Variants in RIN3 observed in about 807,000 individuals in gnomAD.
RIN3 encodes the protein RAB5 interacting protein 3.
A neutral mutation model predicts 76.3 loss-of-function variants in RIN3; 54 were observed. The ratio of observed to expected loss-of-function variants is 0.71; its 90% CI spans 0.57 to 0.89. The LOEUF is 0.89. RIN3 is among the 40% of genes least tolerant of loss of function. RIN3 has a pLI of 0.00. For missense variants in RIN3, 1,256 were observed against 1,322.1 expected (o/e 0.95, Z 0.78); for synonymous variants, 576 against 564.0 (o/e 1.02, Z -0.30).
intron 3 of RIN3, among the ~76,000 whole-genome samples, chr14:92,614,202 G>A (rs1159118589): frequency 2.0e-5 from 3 of 152,198 alleles, no homozygotes; most frequent in Non-Finnish European, 4.4e-5. Flanking sequence ...AAACATCAGG[G>A]TAGCCCTCGC....
At chr14:92,525,628 G>C (rs1896708800) in intron 1 of RIN3, among the ~76,000 whole-genome samples, 1 of 152,112 alleles carries the variant, frequency 6.6e-6, no homozygotes, top group Non-Finnish European at 1.5e-5. Context: ...TGAGAAACAG[G>C]GTGGGCCGCC....
In RIN3 at chr14:92,688,174, C is replaced by T; in HGVS notation, c.2880C>T (p.Tyr960=). The change falls in exon 10 of 10, where the codon TAC becomes TAT. Residue 960 remains tyrosine (Y), a synonymous_variant. Transcript: ENST00000216487. ...SEPKRDFHFV[Y]RPLDGGGGGG... is the part of the protein sequence containing the mutation. ...CCAAGCGCGACTTCCACTTTGTCTACCGGCCCCTGGACGGTGGTGGCGGCG... is the reference window on the plus strand; with the variant it reads ...CCAAGCGCGACTTCCACTTTGTCTATCGGCCCCTGGACGGTGGTGGCGGCG... 1 of 1,599,810 alleles carries T rather than the reference C, an allele frequency of 6.3e-7. No homozygotes were observed. Among genetic ancestry groups the T allele is most frequent in the South Asian group, 1.1e-5 (1 of 90,564 alleles).
rs770623183 is a variant in RIN3, at chr14:92,688,099, G to C, written c.2805G>C (p.Ala935=). Residue 935 remains alanine (A), a synonymous_variant, in exon 10 of 10, where the codon GCG becomes GCC. Transcript: ENST00000216487. The stretch of plus-strand genomic sequence containing the variant: ...TGGACGGGCGCTGCTTCCAGCTGGC[G>C]GACGACGCGCTGCCGCACTGCATCA... ...VLVDGRCFQL[A]DDALPHCIKG... is the part of the protein sequence containing the mutation. 1.9e-6 allele frequency: 3 copies of C among 1,607,358 alleles called. No individual in the cohort carries two copies. The highest frequency in any genetic ancestry group is 2.5e-6 in the Non-Finnish European group (3 of 1,177,766).
chr14:92,528,263 G>A (rs963020182), intron 1 of RIN3, among the ~76,000 whole-genome samples: 36 of 152,208 alleles, frequency 2.4e-4, no homozygotes, highest in Non-Finnish European at 4.3e-4. Flanking sequence ...CTCCTAGGGA[G>A]ATGGCCATCG....
At chr14:92,603,408 G>T (rs990636458) in intron 3 of RIN3, among the ~76,000 whole-genome samples, 3 of 152,182 alleles carry the variant, frequency 2.0e-5, no homozygotes, top group African/African-American at 7.2e-5. Context: ...TTGTGGAGCA[G>T]CTGCTATCTT....
intron 7 of RIN3, among the ~76,000 whole-genome samples, chr14:92,667,317 G>A (rs1888140228): frequency 6.6e-6 from 1 of 152,158 alleles, no homozygotes; most frequent in Non-Finnish European, 1.5e-5. Flanking sequence ...TCAAGACCAA[G>A]ACCAGCCTGA....
chr14:92,582,442 C>CTTTTTTTTTTT lies in RIN3; in HGVS notation c.367+4974_367+4984dup, dbSNP rs35072092. ...TGTGGTTTTGCTGTTTCCTTTTTTA[C>CTTTTTTTTTTT]TTTTTTTTTTTTTTTTTTTCCCTGA... On this transcript the variant is annotated intron_variant, in intron 3 of 9. Coordinates refer to ENST00000216487, the MANE Select transcript of RIN3 (RefSeq NM_024832.5). Among the ~76,000 whole-genome samples, 42 of 117,516 alleles carry CTTTTTTTTTTT rather than the reference C, an allele frequency of 3.6e-4. 3 individuals carry two copies. Among genetic ancestry groups the CTTTTTTTTTTT allele is most frequent in the Middle Eastern group, 5.4e-3 (1 of 184 alleles). 77.1% of individuals were successfully genotyped at this position (117,516 alleles called of 152,430 possible). A position where few individuals can be genotyped will look rare whatever the true frequency, so the allele number is the denominator to read the frequency against.
At chr14:92,552,178 G>A (rs1897445532) in intron 1 of RIN3, among the ~76,000 whole-genome samples, 1 of 152,236 alleles carries the variant, frequency 6.6e-6, no homozygotes, top group South Asian at 2.1e-4. Flanking sequence ...AAGTTTTAGA[G>A]CAGGAAGGGA....
chr14:92,607,995 G>A (rs1189671291), intron 3 of RIN3, among the ~76,000 whole-genome samples: 3 of 152,214 alleles, frequency 2.0e-5, no homozygotes, highest in East Asian at 1.9e-4. Flanking sequence ...GAACAGATTA[G>A]TTGTCAGGGC....
At position 92,651,970 on chromosome 14, in the gene RIN3, T is replaced by A; in HGVS notation, c.921T>A (p.Pro307=). The stretch of plus-strand genomic sequence containing the variant: ...TGCTCCCTGCTCTTGCCCCCGCCCC[T>A]GCCTGTCCTTTGCCCACCTCTCCCC... ...PPVLPALAPA[P]ACPLPTSPPV... Residue 307 remains proline, a synonymous_variant, in exon 6 of 10, where the codon CCT becomes CCA. Coordinates refer to ENST00000216487, the MANE Select transcript of RIN3 (RefSeq NM_024832.5). 5.3e-6 allele frequency: 5 copies of A among 939,866 alleles called. No individual in the cohort carries two copies. The highest frequency in any genetic ancestry group is 6.9e-6 in the Non-Finnish European group (5 of 724,774). The allele number at this position is 939,866 out of a possible 1,614,324, so 58.2% of individuals were successfully genotyped here. A position where few individuals can be genotyped will look rare whatever the true frequency, so the allele number is the denominator to read the frequency against.
chr14:92,688,181 C>A lies in RIN3; in HGVS notation c.2887C>A (p.Leu963Met). 1 of 1,577,104 alleles carries A rather than the reference C, an allele frequency of 6.3e-7. No homozygotes were observed. The highest frequency in any genetic ancestry group is 8.6e-7 in the Non-Finnish European group (1 of 1,168,084). Residue 963 changes from leucine (L) to methionine (M), a missense_variant, in exon 10 of 10, where the codon CTG (leucine) becomes ATG (methionine). By Grantham distance (15) the Leu-to-Met change is conservative (BLOSUM62 2). This residue lies in a region of RIN3 where 218 missense variants were observed against 174.5 expected (regional missense o/e 1.25). Transcript: ENST00000216487. ...KRDFHFVYRP[L>M]DGGGGGGGGS... ...CGACTTCCACTTTGTCTACCGGCCC[C>A]TGGACGGTGGTGGCGGCGGCGGCGG...
chr14:92,525,270 T>C (rs1896699175), intron 1 of RIN3, among the ~76,000 whole-genome samples: 1 of 152,216 alleles, frequency 6.6e-6, no homozygotes, highest in African/African-American at 2.4e-5. Flanking sequence ...CGCTCGCCCC[T>C]GATGCCTGTG....
At chr14:92,654,740 G>A (rs2140145728) in intron 6 of RIN3, among the ~76,000 whole-genome samples, 1 of 152,352 alleles carries the variant, frequency 6.6e-6, no homozygotes, top group Non-Finnish European at 1.5e-5. Context: ...TAAGCAGAGA[G>A]TCGACAAAGA....
intron 2 of RIN3, among the ~76,000 whole-genome samples, chr14:92,560,986 A>G (rs1164212702): frequency 3.0e-5 from 4 of 132,814 alleles, no homozygotes; most frequent in African/African-American, 8.5e-5. Context: ...GCACCACTGC[A>G]CTCCAGCCTG....
intron 3 of RIN3, among the ~76,000 whole-genome samples, chr14:92,613,559 C>T (rs1885829363): frequency 6.6e-6 from 1 of 152,128 alleles, no homozygotes; most frequent in South Asian, 2.1e-4. Flanking sequence ...CATGTTGGTT[C>T]GCGTATCACT....
At chr14:92,592,966 A>T (rs1182107960) in intron 3 of RIN3, among the ~76,000 whole-genome samples, 1 of 150,684 alleles carries the variant, frequency 6.6e-6, no homozygotes, top group African/African-American at 2.4e-5. Flanking sequence ...GAGCCACCAT[A>T]CCCAGCCAAA....
At chr14:92,677,035 C>T (rs1055455460) in intron 8 of RIN3, among the ~76,000 whole-genome samples, 3 of 152,084 alleles carry the variant, frequency 2.0e-5, no homozygotes, top group African/African-American at 4.8e-5. Context: ...GCTGAAGTGG[C>T]AGGCAGTGCT....
intron 7 of RIN3, among the ~76,000 whole-genome samples, chr14:92,663,126 G>A (rs921023178): frequency 2.0e-5 from 3 of 152,118 alleles, no homozygotes; most frequent in Admixed American, 6.6e-5. Context: ...TTTGTAAATT[G>A]ACAGATAAAA....
At chr14:92,626,995 C>T (rs1407026347) in intron 4 of RIN3, among the ~76,000 whole-genome samples, 3 of 152,156 alleles carry the variant, frequency 2.0e-5, no homozygotes, top group Non-Finnish European at 4.4e-5. Flanking sequence ...GGCAGGTTTG[C>T]GGATGGGTTC....
Sources: allele counts gnomAD v4.1 joint callset (sites outside exome capture counted in the v4.1 genomes callset), GRCh38; gene constraint gnomAD v4.1.1; regional missense constraint gnomAD v4.1.1; transcripts MANE v1.5; gene names NCBI Gene and HGNC (gene_info 2026-07-23, HGNC 2026-07-21).